Variants in IGSF21 observed in about 807,000 individuals in gnomAD.
IGSF21 encodes the protein immunoglobin superfamily member 21.
IGSF21 carries 28 observed loss-of-function variants against 46.8 expected under a neutral mutation model. The observed-to-expected ratio is 0.60, with a 90% CI of 0.44 to 0.82. IGSF21 has a LOEUF of 0.82. Ranked by LOEUF, IGSF21 falls within the 40% of genes least tolerant of loss-of-function variation. IGSF21 has a pLI of 0.00. For missense variants in IGSF21, 624 were observed against 665.5 expected, an observed-to-expected ratio of 0.94 and a Z score of 0.69; for synonymous variants, 284 against 273.6, an observed-to-expected ratio of 1.04 and a Z score of -0.38.
At chr1:18,157,281 G>A (rs2086577260) in intron 1 of IGSF21, among the ~76,000 whole-genome samples, 1 of 152,204 alleles carries the variant, frequency 6.6e-6, no homozygotes, top group African/African-American at 2.4e-5. Context: ...TCTTTGGAGG[G>A]CTAACTCTGC....
At chr1:18,191,357 A>C (rs1218259061) in intron 1 of IGSF21, among the ~76,000 whole-genome samples, 1 of 152,202 alleles carries the variant, frequency 6.6e-6, no homozygotes, top group Admixed American at 6.5e-5. Context: ...TGTGCCCATA[A>C]GGATGAGATC....
At chr1:18,152,356 C>G (rs765587890) in intron 1 of IGSF21, among the ~76,000 whole-genome samples, 4 of 152,220 alleles carry the variant, frequency 2.6e-5, no homozygotes, top group Non-Finnish European at 5.9e-5. Context: ...CCTGGAGACA[C>G]CTGTCCCAGG....
At chr1:18,266,747 C>T (rs566545502) in intron 2 of IGSF21, among the ~76,000 whole-genome samples, 6 of 152,328 alleles carry the variant, frequency 3.9e-5, no homozygotes, top group South Asian at 2.1e-4. Flanking sequence ...TAGTGAGAAA[C>T]GCTGAGTGTG....
At chr1:18,126,565 G>A (rs949838320) in intron 1 of IGSF21, among the ~76,000 whole-genome samples, 3 of 152,142 alleles carry the variant, frequency 2.0e-5, no homozygotes, top group Non-Finnish European at 4.4e-5. Context: ...GCTCACAGCT[G>A]CTGTTGGGGA....
intron 1 of IGSF21, among the ~76,000 whole-genome samples, chr1:18,164,046 G>C (rs4920301): frequency 7.9e-5 from 12 of 152,306 alleles, no homozygotes; most frequent in African/African-American, 2.9e-4. Context: ...AGACTGCCCA[G>C]TGGCTGACAC....
rs748446947 is a variant in IGSF21, at chr1:18,322,206, C to G, written c.306-12686C>G. ...AACCTCTCACTGGTACACTGATGAACGAGGCCTGCATCGGCTCCTGGAACT... is the reference window on the plus strand; with the variant it reads ...AACCTCTCACTGGTACACTGATGAAGGAGGCCTGCATCGGCTCCTGGAACT... On this transcript the variant is annotated intron_variant, in intron 3 of 9. Coordinates refer to ENST00000251296, the MANE Select transcript of IGSF21 (RefSeq NM_032880.5). The surrounding 1 kb of genome is among the most constrained non-coding windows in gnomAD (Gnocchi z 4.3). 6.6e-6 allele frequency among the ~76,000 whole-genome samples: 1 copy of G among 152,128 alleles called. No homozygotes were observed. Among genetic ancestry groups the G allele is most frequent in the Admixed American group, 6.6e-5 (1 of 15,266 alleles).
chr1:18,215,355 C>T (rs913378568), intron 1 of IGSF21, among the ~76,000 whole-genome samples: 2 of 152,056 alleles, frequency 1.3e-5, no homozygotes, highest in Non-Finnish European at 2.9e-5. Flanking sequence ...GGCATTTGGC[C>T]CGTTAGAGGC....
chr1:18,137,594 C>T (rs1368714972), intron 1 of IGSF21, among the ~76,000 whole-genome samples: 1 of 151,966 alleles, frequency 6.6e-6, no homozygotes, highest in African/African-American at 2.4e-5. Flanking sequence ...AAAGTCCCTC[C>T]TTTGTACAGT....
intron 2 of IGSF21, among the ~76,000 whole-genome samples, chr1:18,248,050 C>T (rs1233299405): frequency 6.6e-6 from 1 of 152,254 alleles, no homozygotes; most frequent in African/African-American, 2.4e-5. Flanking sequence ...AAAGCATCTA[C>T]ACTGGCAAGG....
At chr1:18,291,455 C>T (rs571855817) in intron 2 of IGSF21, among the ~76,000 whole-genome samples, 4 of 152,312 alleles carry the variant, frequency 2.6e-5, no homozygotes, top group East Asian at 1.9e-4. Context: ...ATCCTGGCCC[C>T]GGGGACCACC....
chr1:18,313,404 C>T (rs2085508471), intron 3 of IGSF21, among the ~76,000 whole-genome samples: 1 of 152,214 alleles, frequency 6.6e-6, no homozygotes, highest in Admixed American at 6.5e-5. Context: ...CGCTTCCTGG[C>T]TGTGGAATCC....
intron 3 of IGSF21, among the ~76,000 whole-genome samples, chr1:18,310,762 G>C (rs537789371): frequency 2.6e-5 from 4 of 152,256 alleles, no homozygotes; most frequent in African/African-American, 9.6e-5. Flanking sequence ...TCAAGGTGTT[G>C]GCATGGCCAC....
At chr1:18,275,679 C>A (rs955126651) in intron 2 of IGSF21, among the ~76,000 whole-genome samples, 1 of 152,160 alleles carries the variant, frequency 6.6e-6, no homozygotes, top group South Asian at 2.1e-4. Context: ...TCCGCTCAAC[C>A]CCAACCCCTT....
intron 1 of IGSF21, among the ~76,000 whole-genome samples, chr1:18,207,729 A>T (rs972264178): frequency 2.6e-5 from 4 of 152,230 alleles, no homozygotes; most frequent in African/African-American, 7.2e-5. Context: ...GTGCTAAAGG[A>T]TGCAAAGGCA....
At chr1:18,285,289 G>A (rs766403202) in intron 2 of IGSF21, among the ~76,000 whole-genome samples, 68 of 152,024 alleles carry the variant, frequency 4.5e-4, no homozygotes, top group South Asian at 1.7e-3. Context: ...CAGCCAGGCC[G>A]GTCAGCGGGC....
chr1:18,301,072 T>C (rs1469808187), intron 3 of IGSF21, among the ~76,000 whole-genome samples: 1 of 152,222 alleles, frequency 6.6e-6, no homozygotes, highest in African/African-American at 2.4e-5. Context: ...AGCAAAACTC[T>C]TTCCCAACCC....
chr1:18,372,988 T>C (rs1025223241), intron 6 of IGSF21, among the ~76,000 whole-genome samples: 3 of 152,216 alleles, frequency 2.0e-5, no homozygotes. Flanking sequence ...AGTACTATCC[T>C]TGCATCAGGA....
chr1:18,120,723 A>G (rs1210504473), intron 1 of IGSF21, among the ~76,000 whole-genome samples: 2 of 152,160 alleles, frequency 1.3e-5, no homozygotes, highest in African/African-American at 4.8e-5. Flanking sequence ...AGCATATGAG[A>G]ATGGGGTTTT....
chr1:18,274,900 C>A (rs1379348138), intron 2 of IGSF21, among the ~76,000 whole-genome samples: 1 of 152,150 alleles, frequency 6.6e-6, no homozygotes, highest in African/African-American at 2.4e-5. Context: ...GTGGCATGCA[C>A]CTGGAATCCC....
Sources: allele counts gnomAD v4.1 joint callset (sites outside exome capture counted in the v4.1 genomes callset), GRCh38; gene constraint gnomAD v4.1.1; non-coding constraint Gnocchi (gnomAD v3.1); transcripts MANE v1.5; gene names NCBI Gene and HGNC (gene_info 2026-07-23, HGNC 2026-07-21).